ZNF804B: variants seen among roughly 807,000 people sequenced by gnomAD.
ZNF804B encodes the protein zinc finger protein 804B.
A neutral mutation model predicts 101.4 loss-of-function variants in ZNF804B; 80 were observed. That is an observed-to-expected ratio of 0.79 (90% CI 0.66 to 0.95). The LOEUF is 0.95. Ranked by LOEUF, ZNF804B falls within the 40% of genes least tolerant of loss-of-function variation. The pLI is 0.00. For synonymous variants in ZNF804B, 622 were observed against 558.8 expected, an observed-to-expected ratio of 1.11 and a Z score of -1.59; for missense variants, 1,673 against 1,561.9, an observed-to-expected ratio of 1.07 and a Z score of -1.20.
In ZNF804B at chr7:89,108,215, A is replaced by C. The variant is rs533434793; in HGVS notation, c.109-109940A>C. 2.3e-5 allele frequency among the ~76,000 whole-genome samples: 3 copies of C among 132,100 alleles called. No homozygotes were observed. In the East Asian group the frequency reaches 7.1e-4, roughly 31 times the overall value. The allele number at this position is 132,100 out of a possible 152,430, so 86.7% of individuals were successfully genotyped here. On this transcript the variant is annotated intron_variant, in intron 1 of 3. Transcript: ENST00000333190. ...TGGGCATTAGTTATGAAGTTATATA[A>C]TTAGCTGCTTTTTTTTTTTTCTTTT...
At chr7:89,238,277 T>A (rs535821693) in intron 2 of ZNF804B, among the ~76,000 whole-genome samples, 214 of 152,230 alleles carry the variant, frequency 1.4e-3, no homozygotes, top group African/African-American at 4.9e-3. Context: ...ATTTTATGAA[T>A]CATCTGATGA....
chr7:89,249,304 T>G (rs946771877), intron 2 of ZNF804B, among the ~76,000 whole-genome samples: 1 of 152,148 alleles, frequency 6.6e-6, no homozygotes, highest in East Asian at 1.9e-4. Context: ...TACAGAACAC[T>G]CTACACATCA....
intron 1 of ZNF804B, among the ~76,000 whole-genome samples, chr7:89,053,845 T>C (rs967578): frequency 6.6e-6 from 1 of 151,992 alleles, no homozygotes; most frequent in East Asian, 1.9e-4. Flanking sequence ...ATGAAAATTG[T>C]AGGCAGAAAT....
At chr7:89,118,903 T>A (rs1790357376) in intron 1 of ZNF804B, among the ~76,000 whole-genome samples, 1 of 152,168 alleles carries the variant, frequency 6.6e-6, no homozygotes, top group African/African-American at 2.4e-5. Flanking sequence ...ATGGCGATGA[T>A]GATGGTGATG....
In ZNF804B at chr7:88,934,314, G is replaced by T. The variant is rs73397344; in HGVS notation, c.108+174230G>T. On this transcript the variant is annotated intron_variant, in intron 1 of 3. Coordinates refer to ENST00000333190, the MANE Select transcript of ZNF804B (RefSeq NM_181646.5). ...AAAAATTCTAGAAGATAATTTCAGA[G>T]AAACTCTTCTACACATGGACTTAGG... Among the ~76,000 whole-genome samples, 197 of 151,862 alleles carry T rather than the reference G, an allele frequency of 1.3e-3. 1 individual carries two copies. Among genetic ancestry groups the T allele is most frequent in the African/African-American group, 4.6e-3 (190 of 41,514 alleles).
At chr7:88,800,658 G>A (rs1351417890) in intron 1 of ZNF804B, among the ~76,000 whole-genome samples, 1 of 151,556 alleles carries the variant, frequency 6.6e-6, no homozygotes, top group Non-Finnish European at 1.5e-5. Context: ...GGAAGAATGA[G>A]CATTTAAGCT....
chr7:89,307,225 A>T (rs1445127530), intron 2 of ZNF804B, among the ~76,000 whole-genome samples: 1 of 152,012 alleles, frequency 6.6e-6, no homozygotes, highest in East Asian at 1.9e-4. Flanking sequence ...TTCAAACTAA[A>T]AGTTTTACAT....
intron 1 of ZNF804B, among the ~76,000 whole-genome samples, chr7:88,927,389 A>G (rs1480083814): frequency 6.6e-6 from 1 of 152,174 alleles, no homozygotes; most frequent in African/African-American, 2.4e-5. Flanking sequence ...TTGATCTGAG[A>G]GGCATTTTTA....
At chr7:88,905,421 G>A (rs1188659846) in intron 1 of ZNF804B, among the ~76,000 whole-genome samples, 4 of 151,760 alleles carry the variant, frequency 2.6e-5, no homozygotes, top group South Asian at 4.2e-4. Flanking sequence ...GCAGTAACAC[G>A]ATCTCAGCTC....
At chr7:89,205,582 T>C (rs1389406868) in intron 1 of ZNF804B, among the ~76,000 whole-genome samples, 1 of 152,160 alleles carries the variant, frequency 6.6e-6, no homozygotes, top group African/African-American at 2.4e-5. Context: ...ATCTTAAAGC[T>C]CCAAAATGAT....
At chr7:89,127,162 T>G (rs2116374324) in intron 1 of ZNF804B, among the ~76,000 whole-genome samples, 1 of 152,066 alleles carries the variant, frequency 6.6e-6, no homozygotes, top group South Asian at 2.1e-4. Flanking sequence ...CTTTAAAACA[T>G]AATTCATTTT....
At chr7:88,961,260 T>G (rs1054194683) in intron 1 of ZNF804B, among the ~76,000 whole-genome samples, 2 of 151,458 alleles carry the variant, frequency 1.3e-5, no homozygotes, top group African/African-American at 4.8e-5. Context: ...ATTTTTAAAT[T>G]ACTGTTAGAA....
At chr7:89,124,478 G>A (rs1790450983) in intron 1 of ZNF804B, among the ~76,000 whole-genome samples, 2 of 152,142 alleles carry the variant, frequency 1.3e-5, no homozygotes, top group Non-Finnish European at 2.9e-5. Context: ...GACTTGAAAT[G>A]ACATTAATTA....
At chr7:88,811,683 G>A (rs1021338336) in intron 1 of ZNF804B, among the ~76,000 whole-genome samples, 2 of 152,140 alleles carry the variant, frequency 1.3e-5, no homozygotes, top group Non-Finnish European at 2.9e-5. Context: ...GGGCATAAAT[G>A]GAATTGGAAG....
chr7:88,950,575 C>G (rs1446252973), intron 1 of ZNF804B, among the ~76,000 whole-genome samples: 7 of 151,724 alleles, frequency 4.6e-5, no homozygotes, highest in African/African-American at 1.7e-4. Flanking sequence ...ATTTTTAAGC[C>G]TCTGTGCTAT....
At chr7:88,960,482 AGG>A (rs1793372947) in intron 1 of ZNF804B, among the ~76,000 whole-genome samples, 1 of 151,250 alleles carries the variant, frequency 6.6e-6, no homozygotes, top group Admixed American at 6.6e-5. Context: ...TGGGCATGAG[AGG>A]GAGGAATAAG....
At chr7:89,213,632 A>G (rs1037560316) in intron 1 of ZNF804B, among the ~76,000 whole-genome samples, 2 of 152,202 alleles carry the variant, frequency 1.3e-5, no homozygotes, top group Non-Finnish European at 2.9e-5. Context: ...GCTCCATATC[A>G]TCCCAAACCC....
At chr7:88,952,241 C>T (rs1487229196) in intron 1 of ZNF804B, among the ~76,000 whole-genome samples, 1 of 151,630 alleles carries the variant, frequency 6.6e-6, no homozygotes, top group Non-Finnish European at 1.5e-5. Context: ...GAATTATTGT[C>T]ATTAGTATCA....
At chr7:88,921,057 A>C (rs1232811835) in intron 1 of ZNF804B, among the ~76,000 whole-genome samples, 2 of 152,094 alleles carry the variant, frequency 1.3e-5, no homozygotes, top group Non-Finnish European at 2.9e-5. Flanking sequence ...TGATAAAACG[A>C]ATGCACTAAT....
Sources: allele counts gnomAD v4.1 joint callset (sites outside exome capture counted in the v4.1 genomes callset), GRCh38; gene constraint gnomAD v4.1.1; transcripts MANE v1.5; gene names NCBI Gene and HGNC (gene_info 2026-07-23, HGNC 2026-07-21).